RPAP1: variants seen among roughly 807,000 people sequenced by gnomAD.
RPAP1 encodes RNA polymerase II-associated protein 1.
A neutral mutation model predicts 142.4 loss-of-function variants in RPAP1; 109 were observed. The observed-to-expected ratio is 0.77, with a 90% CI of 0.66 to 0.90. The LOEUF (loss-of-function observed/expected upper bound fraction) is 0.90. Among genes scored for constraint, RPAP1 ranks in the 40% least tolerant of loss-of-function variants. RPAP1 has a pLI of 0.00. For missense variants in RPAP1, 1,546 were observed against 1,751.7 expected (o/e 0.88, Z 2.10); for synonymous variants, 704 against 738.9 (o/e 0.95, Z 0.77).
In RPAP1 at chr15:41,518,050, CCA is replaced by C. The variant is rs764512852; in HGVS notation, c.3926_3927del (p.Val1309GlyfsTer5). ...GAGAAGATGAAGCTATTGACATGAG[CCA>C]CAGCCACAGCATAGAGCACGGGGCA... ...RWCPVLYAVA[V>X]AHVNSFIFSQ... On this transcript the variant is annotated frameshift_variant, in exon 23 of 25. Transcript: ENST00000304330. LOFTEE classifies it high-confidence loss of function. The C allele has an allele frequency of 2.5e-6, 4 of 1,613,840 alleles. No individual in the cohort carries two copies.
intron 6 of RPAP1, among the ~76,000 whole-genome samples, chr15:41,531,553 T>A (rs1191841795): frequency 6.7e-6 from 1 of 148,970 alleles, no homozygotes; most frequent in African/African-American, 2.5e-5. Flanking sequence ...AGAAGGCATT[T>A]ACAGAAAGAA....
chr15:41,530,920 A>C, intron 7 of RPAP1, 103 bp downstream of exon 7: 1 of 1,191,694 alleles, frequency 8.4e-7, no homozygotes, highest in East Asian at 2.4e-5. Context: ...TTAGATGTCC[A>C]AAAGCACAGA....
chr15:41,524,063 C>G, intron 16 of RPAP1, 33 bp downstream of exon 16: 1 of 1,596,762 alleles, frequency 6.3e-7, no homozygotes, highest in Non-Finnish European at 8.6e-7. Context: ...GAGGAGCCCT[C>G]CACCTGTCCT....
In RPAP1 at chr15:41,524,183, G is replaced by T; in HGVS notation, c.2147C>A (p.Pro716His). 2 of 1,592,662 alleles carry T rather than the reference G, an allele frequency of 1.3e-6. No homozygotes were observed. The highest frequency in any genetic ancestry group is 1.1e-5 in the South Asian group (1 of 87,892). Residue 716 changes from proline (P) to histidine (H), a missense_variant, in exon 16 of 25, where the codon CCC (proline) becomes CAC (histidine). This residue lies in a region of RPAP1 where 1,333 missense variants were observed against 1,486.6 expected (regional missense o/e 0.90). Coordinates refer to ENST00000304330, the MANE Select transcript of RPAP1 (RefSeq NM_015540.4). The stretch of plus-strand genomic sequence containing the variant: ...TGAGGCTATCCGCTGCATGGACAGG[G>T]GTTGAGGTGGGTGGGTGCTGAGCTC... ...PRELSTHPPQ[P>H]LSMQRIASLL... is the part of the protein sequence containing the mutation.
chr15:41,522,338 G>C (rs759664649), intron 19 of RPAP1, 88 bp from the exon 20 acceptor site: 1 of 1,292,642 alleles, frequency 7.7e-7, no homozygotes, highest in Non-Finnish European at 1.1e-6. Context: ...CCAGACTCAG[G>C]GAAATGAGTG....
At chr15:41,523,403 C>T in intron 17 of RPAP1, 49 bp from the exon 18 acceptor site, 1 of 1,248,902 alleles carries the variant, frequency 8.0e-7, no homozygotes, top group South Asian at 1.4e-5. Flanking sequence ...CATTCATTCT[C>T]CTAGACCCTG....
At chr15:41,528,199 G>C in intron 10 of RPAP1, 36 bp downstream of exon 10, 1 of 1,560,000 alleles carries the variant, frequency 6.4e-7, no homozygotes, top group Non-Finnish European at 8.7e-7. Context: ...GGGGTGAAGG[G>C]AAGGGTGGGC....
Position 41,536,026 on chromosome 15 carries a change from A to C in RPAP1, c.420+103T>G, listed in dbSNP as rs2051902354. ...GTGCTTAGTATGATCCTGCTTTGTA[A>C]ATTAAATTGCTTATCATCATTAAAA... On this transcript the variant is annotated intron_variant, in intron 4 of 24. Coordinates refer to ENST00000304330, the MANE Select transcript of RPAP1 (RefSeq NM_015540.4). 4 of 818,778 alleles carry C rather than the reference A, an allele frequency of 4.9e-6. No individual in the cohort carries two copies. In the East Asian group the frequency reaches 1.1e-4, roughly 22 times the overall value. The allele number at this position is 818,778 out of a possible 1,614,324, so 50.7% of individuals were successfully genotyped here.
At chr15:41,543,530 C>T (rs2051991618) in intron 1 of RPAP1, among the ~76,000 whole-genome samples, 1 of 151,918 alleles carries the variant, frequency 6.6e-6, no homozygotes, top group African/African-American at 2.4e-5. Flanking sequence ...TGTCTTAAGT[C>T]CCATTTCCAC....
At chr15:41,529,189 G>C (rs989792598) in intron 9 of RPAP1, among the ~76,000 whole-genome samples, 3 of 152,128 alleles carry the variant, frequency 2.0e-5, no homozygotes, top group African/African-American at 7.2e-5. Flanking sequence ...ACAAAAATTA[G>C]CTGGACGTGG....
rs1400871062 is a variant in RPAP1, at chr15:41,529,915, C to T, written c.1008G>A (p.Lys336=). ...GGGGCAAGTCCTGGGTCCAGTGGAG[C>T]TTCTCCAGCTCGACAGTGTCCATGT... ...WLHMDTVELE[K]LHWTQDLPPV... The change falls in exon 8 of 25, where the codon AAG becomes AAA. Residue 336 remains lysine (K), a synonymous_variant. Transcript: ENST00000304330. 1.2e-6 allele frequency: 2 copies of T among 1,613,794 alleles called. No homozygotes were observed. Among genetic ancestry groups the T allele is most frequent in the Non-Finnish European group, 1.7e-6 (2 of 1,179,796 alleles).
chr15:41,529,403 G>C (rs1298260660), intron 9 of RPAP1, 67 bp downstream of exon 9: 68 of 1,052,258 alleles, frequency 6.5e-5, no homozygotes, highest in Non-Finnish European at 5.1e-5. Flanking sequence ...AAAGGCAGTT[G>C]ACCAGAGATC....
chr15:41,522,183 G>A lies in RPAP1; in HGVS notation c.2810C>T (p.Ala937Val). ...YFLQCVAPGA[A>V]PHLTPFSAWA... ...TGCAGAGAAAGGTGTGAGGTGTGGG[G>A]CAGCCCCAGGAGCCACACACTGGAG... The change falls in exon 20 of 25, where the codon GCC becomes GTC. Residue 937 changes from alanine to valine, a missense_variant. Physicochemically the swap from Ala to Val is moderately conservative, Grantham distance 64. Around this residue, in one of 3 missense-constraint regions of RPAP1, gnomAD observed 1,333 missense variants for 1,486.6 expected, o/e 0.90. Transcript: ENST00000304330. The A allele has an allele frequency of 6.2e-7, 1 of 1,614,064 alleles. No homozygotes were observed. The highest frequency in any genetic ancestry group is 8.5e-7 in the Non-Finnish European group (1 of 1,180,036).
rs116555868 is a variant in RPAP1 at position 41,536,179 on chromosome 15, G to C, written c.370C>G (p.Pro124Ala). ...TSSVAVNLPVPSGVAFPAVFL... is the reference protein window; with the variant it reads ...TSSVAVNLPVASGVAFPAVFL... ...ACAGCAGGGAAAGCAACACCACTGG[G>C]CACAGGCAGATTCACGGCCACTGAA... Residue 124 changes from proline (P) to alanine (A), a missense_variant, in exon 4 of 25, where the codon CCC (proline) becomes GCC (alanine). Pro to Ala is a conservative substitution (Grantham distance 27). Coordinates refer to ENST00000304330, the MANE Select transcript of RPAP1 (RefSeq NM_015540.4). 2,159 of 1,614,096 alleles carry C rather than the reference G, an allele frequency of 1.3e-3. 36 individuals are homozygous for C. The African/African-American group carries it at 0.027, about 20-fold the overall frequency.
At position 41,534,720 on chromosome 15, in the gene RPAP1, G is replaced by T. The variant is rs1163376672; in HGVS notation, c.757C>A (p.Gln253Lys). 2 of 1,613,428 alleles carry T rather than the reference G, an allele frequency of 1.2e-6. No homozygotes were observed. Among genetic ancestry groups the T allele is most frequent in the Admixed American group, 3.3e-5 (2 of 59,982 alleles). ...GAAAGCCAGGCACCCATACCAAGCT[G>T]GGCCAGCAACCGCTGCTGTTCCTGC... ...ILQEQQRLLA[Q>K]LDPSLVAFLR... The change falls in exon 6 of 25, where the codon CAG (glutamine) becomes AAG (lysine). Residue 253 changes from glutamine to lysine, a missense_variant. Physicochemically the swap from Gln to Lys is moderately conservative, Grantham distance 53. Around this residue, in one of 3 missense-constraint regions of RPAP1, gnomAD observed 1,333 missense variants for 1,486.6 expected, o/e 0.90. Transcript: ENST00000304330.
intron 8 of RPAP1, 89 bp downstream of exon 8, chr15:41,529,775 T>C (rs1226160064): frequency 3.0e-6 from 3 of 983,632 alleles, no homozygotes; most frequent in African/African-American, 1.6e-5. Flanking sequence ...CTCTGGGCAA[T>C]AGAAAGGCCT....
intron 21 of RPAP1, 74 bp from the exon 22 acceptor site, chr15:41,521,221 C>T (rs1004746507): frequency 2.1e-6 from 3 of 1,436,494 alleles, no homozygotes; most frequent in Non-Finnish European, 2.8e-6. Context: ...CTCTTTGGAA[C>T]TTCCTGGAGG....
In RPAP1 at chr15:41,534,995, T is replaced by C. The variant is rs927811435; in HGVS notation, c.542-60A>G. On this transcript the variant is annotated intron_variant, in intron 5 of 24. Coordinates refer to ENST00000304330, the MANE Select transcript of RPAP1 (RefSeq NM_015540.4). ...TCCTCCAGGGCTCTAACTGGGCTTT[T>C]TGGCCTTCTTCTATAAGGCTATTAG... The C allele has an allele frequency of 9.2e-6, 14 of 1,528,046 alleles. No individual in the cohort carries two copies. The African/African-American group carries it at 1.6e-4, about 18-fold the overall frequency. 94.7% of individuals were successfully genotyped at this position (1,528,046 alleles called of 1,614,324 possible).
chr15:41,522,004 G>T, intron 20 of RPAP1, 94 bp downstream of exon 20: 2 of 1,564,212 alleles, frequency 1.3e-6, no homozygotes, highest in South Asian at 1.2e-5. Context: ...AGGAAAGTGG[G>T]AGCTGCATGG....
Sources: allele counts gnomAD v4.1 joint callset (sites outside exome capture counted in the v4.1 genomes callset), GRCh38; gene constraint gnomAD v4.1.1; regional missense constraint gnomAD v4.1.1; transcripts MANE v1.5; gene names NCBI Gene and HGNC (gene_info 2026-07-23, HGNC 2026-07-21).